The following ENTREP2 variants were observed in gnomAD, a reference collection of about 807,000 sequenced individuals.
The protein encoded by ENTREP2 is endosomal transmembrane epsin interactor 2.
At chr15:29,443,049 T>C in the ENTREP2 span, among the ~76,000 whole-genome samples, 16 of 152,334 alleles carry the variant, frequency 1.1e-4, no homozygotes, top group African/African-American at 1.2e-4. Context: ...GGAAGCCGCA[T>C]GTTTTCATGC....
chr15:29,372,910 G>A, the ENTREP2 span, among the ~76,000 whole-genome samples: 78 of 152,170 alleles, frequency 5.1e-4, no homozygotes, highest in Non-Finnish European at 7.9e-4. Context: ...ATGGTCATCC[G>A]TTAGGAAAAG....
chr15:29,259,937 G>C, the ENTREP2 span, among the ~76,000 whole-genome samples: 1 of 152,174 alleles, frequency 6.6e-6, no homozygotes, highest in Admixed American at 6.5e-5. Flanking sequence ...TAGTGTAACA[G>C]TTTATTACTC....
the ENTREP2 span, among the ~76,000 whole-genome samples, chr15:29,402,002 G>A: frequency 7.2e-5 from 11 of 152,042 alleles, no homozygotes; most frequent in African/African-American, 2.7e-4. Context: ...AGGAGGAGGC[G>A]AGGGGGAACT....
the ENTREP2 span, among the ~76,000 whole-genome samples, chr15:29,652,398 A>C: frequency 6.6e-6 from 1 of 152,210 alleles, no homozygotes; most frequent in African/African-American, 2.4e-5. Context: ...ACTTGTCTGC[A>C]TGCCTCAGTC....
chr15:29,135,693 G>A, the ENTREP2 span, among the ~76,000 whole-genome samples: 40 of 152,268 alleles, frequency 2.6e-4, no homozygotes, highest in South Asian at 6.2e-4. The surrounding 1 kb of genome is among the most constrained non-coding windows in gnomAD (Gnocchi z 7.4). Context: ...GAGGCTCCAC[G>A]AACATACTGC....
At chr15:29,301,812 G>C in the ENTREP2 span, among the ~76,000 whole-genome samples, 8 of 152,310 alleles carry the variant, frequency 5.3e-5, no homozygotes, top group Non-Finnish European at 7.3e-5. Context: ...TATAAAAGAG[G>C]CTCCAGAGAA....
At chr15:29,444,475 CTTTTTTTTCTTTT>C in the ENTREP2 span, among the ~76,000 whole-genome samples, 1 of 140,168 alleles carries the variant, frequency 7.1e-6, no homozygotes, top group Non-Finnish European at 1.5e-5. Flanking sequence ...TTCTTTTTTT[CTTTTTTTTCTTTT>C]TTTTTTTCTT....
chr15:29,270,502 AACC>A, the ENTREP2 span, among the ~76,000 whole-genome samples: 1 of 152,248 alleles, frequency 6.6e-6, no homozygotes, highest in Non-Finnish European at 1.5e-5. Context: ...CTTTCGTCAC[AACC>A]ACAATTTTAG....
the ENTREP2 span, among the ~76,000 whole-genome samples, chr15:29,330,865 T>C: frequency 3.3e-5 from 5 of 152,248 alleles, no homozygotes; most frequent in East Asian, 5.8e-4. Flanking sequence ...TTTCTGTTCA[T>C]ATAAAACTAT....
chr15:29,512,506 A>G, the ENTREP2 span, among the ~76,000 whole-genome samples: 3 of 152,150 alleles, frequency 2.0e-5, no homozygotes, highest in African/African-American at 7.2e-5. Flanking sequence ...ACTAACCCCA[A>G]TGGGATGGTA....
At chr15:29,263,473 T>G in the ENTREP2 span, among the ~76,000 whole-genome samples, 1 of 152,338 alleles carries the variant, frequency 6.6e-6, no homozygotes, top group South Asian at 2.1e-4. Flanking sequence ...AAGCCAGTTA[T>G]GTGGGACATT....
the ENTREP2 span, among the ~76,000 whole-genome samples, chr15:29,472,510 G>C: frequency 6.7e-6 from 1 of 150,282 alleles, no homozygotes; most frequent in Non-Finnish European, 1.5e-5. Context: ...TGTTGCCCAG[G>C]CTGGAGTGCA....
the ENTREP2 span, among the ~76,000 whole-genome samples, chr15:29,444,179 A>AAAG: frequency 6.5e-5 from 3 of 46,136 alleles, no homozygotes; most frequent in African/African-American, 2.8e-4. Context: ...ACAAAGAAAG[A>AAAG]AAGAAAGAAA....
the ENTREP2 span, among the ~76,000 whole-genome samples, chr15:29,281,627 T>C: frequency 6.6e-6 from 1 of 152,218 alleles, no homozygotes; most frequent in Non-Finnish European, 1.5e-5. Flanking sequence ...GTCCTTGAAT[T>C]TGTGAGGCTG....
chr15:29,293,471 T>G, the ENTREP2 span, among the ~76,000 whole-genome samples: 3 of 151,868 alleles, frequency 2.0e-5, no homozygotes, highest in African/African-American at 4.8e-5. Context: ...TTAGCCAGGA[T>G]GGTCTCGATC....
At chr15:29,272,832 C>T in the ENTREP2 span, among the ~76,000 whole-genome samples, 1 of 152,188 alleles carries the variant, frequency 6.6e-6, no homozygotes, top group African/African-American at 2.4e-5. Flanking sequence ...AGCCCTCTGA[C>T]ATCAAAAGGT....
the ENTREP2 span, among the ~76,000 whole-genome samples, chr15:29,333,078 C>A: frequency 6.6e-6 from 1 of 151,836 alleles, no homozygotes; most frequent in African/African-American, 2.4e-5. Context: ...TGGGGAGGTC[C>A]GAAAATGCCC....
the ENTREP2 span, among the ~76,000 whole-genome samples, chr15:29,426,228 C>G: frequency 6.6e-6 from 1 of 152,172 alleles, no homozygotes; most frequent in African/African-American, 2.4e-5. Context: ...CATTCACATA[C>G]ATGAGCTTAG....
At chr15:29,589,787 C>T in the ENTREP2 span, among the ~76,000 whole-genome samples, 1 of 152,220 alleles carries the variant, frequency 6.6e-6, no homozygotes, top group Non-Finnish European at 1.5e-5. Context: ...GGAATCAAGA[C>T]ACCTGGCCTC....
Sources: gnomAD v4.1 joint callset for allele counts (sites outside exome capture counted in the v4.1 genomes callset) on GRCh38, gnomAD v4.1.1 for gene constraint, Gnocchi (gnomAD v3.1) non-coding constraint, MANE v1.5 for transcripts, NCBI Gene and HGNC (gene_info 2026-07-23, HGNC 2026-07-21) for gene names.